Variants in SNTG1 observed in about 807,000 individuals in gnomAD.
The protein encoded by SNTG1 is gamma-1-syntrophin.
In SNTG1, 39 loss-of-function variants were observed where a neutral mutation model predicts 74.7. That is an observed-to-expected ratio of 0.52 (90% CI 0.40 to 0.68). SNTG1 has a LOEUF of 0.68. SNTG1 is among the 30% of genes least tolerant of loss of function. The pLI is 0.00. For synonymous variants in SNTG1, 254 were observed against 217.1 expected (o/e 1.17, Z -1.49); for missense variants, 685 against 609.5 (o/e 1.12, Z -1.30).
At chr8:50,063,326 A>G (rs1365568542) in intron 1 of SNTG1, among the ~76,000 whole-genome samples, 1 of 152,270 alleles carries the variant, frequency 6.6e-6, no homozygotes, top group Non-Finnish European at 1.5e-5. Flanking sequence ...CGTTTGCATC[A>G]CCATGCATTT....
intron 11 of SNTG1, among the ~76,000 whole-genome samples, chr8:50,537,277 A>G (rs908576440): frequency 6.6e-6 from 1 of 152,124 alleles, no homozygotes; most frequent in Non-Finnish European, 1.5e-5. Context: ...GGCACATGCC[A>G]CCATGCCCAG....
At chr8:50,791,712 G>A (rs1385695510) in intron 18 of SNTG1, among the ~76,000 whole-genome samples, 1 of 151,666 alleles carries the variant, frequency 6.6e-6, no homozygotes, top group East Asian at 1.9e-4. Flanking sequence ...CAATGAGTTT[G>A]TCAGAAATTT....
At chr8:50,571,232 T>A (rs1258116380) in intron 12 of SNTG1, among the ~76,000 whole-genome samples, 1 of 152,118 alleles carries the variant, frequency 6.6e-6, no homozygotes, top group Non-Finnish European at 1.5e-5. Flanking sequence ...AACGCTGCTA[T>A]CTCCTTCAGT....
At chr8:50,340,276 G>T (rs2091280593) in intron 2 of SNTG1, among the ~76,000 whole-genome samples, 1 of 151,946 alleles carries the variant, frequency 6.6e-6, no homozygotes, top group South Asian at 2.1e-4. Flanking sequence ...TAGTGAAGAA[G>T]AGCAAAACAG....
intron 14 of SNTG1, among the ~76,000 whole-genome samples, chr8:50,657,560 G>A (rs943678073): frequency 5.3e-5 from 8 of 151,956 alleles, no homozygotes; most frequent in African/African-American, 1.9e-4. Context: ...CAAAATGATA[G>A]CATCTTATCT....
In SNTG1 at chr8:50,282,113, C is replaced by G. The variant is rs141254715; in HGVS notation, c.-28+109478C>G. 2.4e-3 allele frequency among the ~76,000 whole-genome samples: 363 copies of G among 152,214 alleles called. 2 individuals are homozygous for G. Among genetic ancestry groups the G allele is most frequent in the African/African-American group, 8.3e-3 (346 of 41,534 alleles). ...ACATCTCTGACCAGAAACAGTCTAA[C>G]CATAAGATAAACCCCTTCCCCAACC... On this transcript the variant is annotated intron_variant, in intron 2 of 18. Transcript: ENST00000642720.
At chr8:50,639,355 A>T (rs1000585144) in intron 13 of SNTG1, among the ~76,000 whole-genome samples, 1 of 151,964 alleles carries the variant, frequency 6.6e-6, no homozygotes, top group South Asian at 2.1e-4. Flanking sequence ...ATCCCTTCAT[A>T]TGCTTCTTAT....
chr8:50,354,759 T>G (rs1174360005), intron 2 of SNTG1, among the ~76,000 whole-genome samples: 3 of 152,142 alleles, frequency 2.0e-5, no homozygotes, highest in African/African-American at 4.8e-5. Context: ...AGGCTGTGCT[T>G]CTTTCTGGAG....
At chr8:50,638,066 G>A (rs749058727) in intron 13 of SNTG1, among the ~76,000 whole-genome samples, 2 of 152,104 alleles carry the variant, frequency 1.3e-5, no homozygotes, top group African/African-American at 4.8e-5. Context: ...GTTACCTTAT[G>A]TGGAAAAAGG....
intron 1 of SNTG1, among the ~76,000 whole-genome samples, chr8:50,102,832 C>A (rs1028003796): frequency 3.3e-5 from 5 of 149,292 alleles, no homozygotes; most frequent in African/African-American, 1.2e-4. Context: ...TTCCCCATTG[C>A]TTGTTTTTGT....
chr8:49,983,156 A>G (rs1812839081), intron 1 of SNTG1, among the ~76,000 whole-genome samples: 1 of 152,194 alleles, frequency 6.6e-6, no homozygotes, highest in African/African-American at 2.4e-5. Flanking sequence ...AATCATTTTG[A>G]TGCTTGACAA....
At position 50,587,075 on chromosome 8, in the gene SNTG1, C is replaced by T. The variant is rs2094653959; in HGVS notation, c.811-3804C>T. ...AACATAAAATCAATTTCGGTTCACG[C>T]TTACAGACATTAATCTAAATTTGTA... On this transcript the variant is annotated intron_variant, in intron 12 of 18. Transcript: ENST00000642720. Among the ~76,000 whole-genome samples the T allele has an allele frequency of 2.0e-5, 3 of 151,988 alleles. No homozygotes were observed. The South Asian group carries it at 6.2e-4, about 32-fold the overall frequency.
rs1349403659 is a variant in SNTG1 at position 50,120,141 on chromosome 8, T to C, written c.-102-52420T>C. 2.1e-5 allele frequency among the ~76,000 whole-genome samples: 3 copies of C among 141,766 alleles called. 1 individual carries two copies. The highest frequency in any genetic ancestry group is 4.7e-5 in the Non-Finnish European group (3 of 63,680). The allele number at this position is 141,766 out of a possible 152,430, so 93.0% of individuals were successfully genotyped here. On this transcript the variant is annotated intron_variant, in intron 1 of 18. Transcript: ENST00000642720. ...TCTCCCCCTCTAGCAAAAATGTTAATAGTAGTAGTAACTACCTTTTTGGGT... is the reference window on the plus strand; with the variant it reads ...TCTCCCCCTCTAGCAAAAATGTTAACAGTAGTAGTAACTACCTTTTTGGGT...
intron 1 of SNTG1, among the ~76,000 whole-genome samples, chr8:50,046,241 C>A (rs1819072208): frequency 6.6e-6 from 1 of 152,096 alleles, no homozygotes; most frequent in Non-Finnish European, 1.5e-5. Flanking sequence ...AGATTTGGTG[C>A]CAGGACTGGA....
At chr8:50,497,844 A>C (rs1035311813) in intron 8 of SNTG1, among the ~76,000 whole-genome samples, 2 of 152,034 alleles carry the variant, frequency 1.3e-5, no homozygotes, top group Non-Finnish European at 2.9e-5. Context: ...CTACAATTTT[A>C]TGTAAATGTA....
intron 1 of SNTG1, among the ~76,000 whole-genome samples, chr8:50,072,897 T>G (rs1315891276): frequency 6.6e-6 from 1 of 152,216 alleles, no homozygotes; most frequent in Non-Finnish European, 1.5e-5. Flanking sequence ...TGTACATAAT[T>G]TAAAATTATT....
intron 1 of SNTG1, among the ~76,000 whole-genome samples, chr8:49,981,788 T>C (rs1812703650): frequency 1.3e-5 from 2 of 152,202 alleles, no homozygotes; most frequent in African/African-American, 4.8e-5. Context: ...TTGCTTTCAA[T>C]TAAAAAATTA....
rs188044378 is a variant in SNTG1, at chr8:50,078,545, T to A, written c.-102-94016T>A. Reference sequence around the variant, plus strand: ...TGTGAATGAGATTTTTTTCTTTTTTTACATTTATTTTTATTTTACTTTAAG... The same window carrying A: ...TGTGAATGAGATTTTTTTCTTTTTTAACATTTATTTTTATTTTACTTTAAG... On this transcript the variant is annotated intron_variant, in intron 1 of 18. Transcript: ENST00000642720. 1.1e-4 allele frequency among the ~76,000 whole-genome samples: 16 copies of A among 152,298 alleles called. No individual in the cohort carries two copies. In the East Asian group the frequency reaches 3.1e-3, roughly 29 times the overall value.
At chr8:50,575,265 T>C (rs111612038) in intron 12 of SNTG1, among the ~76,000 whole-genome samples, 201 of 152,306 alleles carry the variant, frequency 1.3e-3, no homozygotes, top group African/African-American at 4.4e-3. Flanking sequence ...AGCCCACTTT[T>C]TGAATATTTA....
Sources: allele counts gnomAD v4.1 joint callset (sites outside exome capture counted in the v4.1 genomes callset), GRCh38; gene constraint gnomAD v4.1.1; transcripts MANE v1.5; gene names NCBI Gene and HGNC (gene_info 2026-07-23, HGNC 2026-07-21).